POFUT3: variants seen among roughly 807,000 people sequenced by gnomAD.
POFUT3 encodes GDP-fucose protein O-fucosyltransferase 3.
At chr8:33,331,868 G>T in the POFUT3 span, among the ~76,000 whole-genome samples, 1 of 151,742 alleles carries the variant, frequency 6.6e-6, no homozygotes, top group Non-Finnish European at 1.5e-5. Context: ...TAGTAGAGAC[G>T]GGGTTTCACC....
the POFUT3 span, among the ~76,000 whole-genome samples, chr8:33,394,826 C>T: frequency 4.6e-5 from 7 of 152,250 alleles, 1 homozygote; most frequent in South Asian, 6.2e-4. Flanking sequence ...ACCTGCCTTT[C>T]GGATTTAAAA....
the POFUT3 span, among the ~76,000 whole-genome samples, chr8:33,448,803 G>A: frequency 1.3e-5 from 2 of 151,948 alleles, no homozygotes; most frequent in Non-Finnish European, 2.9e-5. Flanking sequence ...GCATGGTGGT[G>A]CACTCCTATA....
At chr8:33,389,776 G>A in the POFUT3 span, 1 of 1,613,668 alleles carries the variant, frequency 6.2e-7, no homozygotes, top group South Asian at 1.1e-5. Context: ...GCAGAGGTAA[G>A]CTATCTATGT....
At chr8:33,322,836 C>T in the POFUT3 span, among the ~76,000 whole-genome samples, 2 of 152,152 alleles carry the variant, frequency 1.3e-5, no homozygotes, top group South Asian at 2.1e-4. Flanking sequence ...CTGGCTGTCT[C>T]GCAGACATGC....
chr8:33,331,421 T>C, the POFUT3 span, among the ~76,000 whole-genome samples: 6 of 151,910 alleles, frequency 3.9e-5, no homozygotes, highest in Non-Finnish European at 5.9e-5. Flanking sequence ...AGAGAAAGAA[T>C]CATGGAAGGT....
chr8:33,434,205 G>A, the POFUT3 span, among the ~76,000 whole-genome samples: 3 of 152,126 alleles, frequency 2.0e-5, no homozygotes, highest in South Asian at 2.1e-4. Context: ...AGGTTGCAAT[G>A]AGCCAAGATC....
the POFUT3 span, among the ~76,000 whole-genome samples, chr8:33,358,886 A>C: frequency 6.6e-6 from 1 of 152,142 alleles, no homozygotes; most frequent in Admixed American, 6.6e-5. Flanking sequence ...CTCATTTTGC[A>C]ATATGAGGTT....
the POFUT3 span, among the ~76,000 whole-genome samples, chr8:33,438,409 C>T: frequency 6.6e-6 from 1 of 152,230 alleles, no homozygotes; most frequent in East Asian, 1.9e-4. Context: ...GAGACCCTGT[C>T]TCTACAAAAA....
chr8:33,407,405 AATT>A, the POFUT3 span, among the ~76,000 whole-genome samples: 1 of 152,196 alleles, frequency 6.6e-6, no homozygotes, highest in African/African-American at 2.4e-5. Context: ...AAATCATAAT[AATT>A]ATTAATTTGT....
the POFUT3 span, among the ~76,000 whole-genome samples, chr8:33,318,070 A>G: frequency 0.43 from 65,431 of 151,580 alleles, 15,897 homozygotes; most frequent in East Asian, 0.8. Context: ...CAGACAGGTG[A>G]GAGAGTGCAG....
chr8:33,395,287 A>G, the POFUT3 span, among the ~76,000 whole-genome samples: 5 of 152,150 alleles, frequency 3.3e-5, no homozygotes, highest in Non-Finnish European at 5.9e-5. Context: ...CTGTGCCCAT[A>G]AAAACCCCAA....
At chr8:33,442,533 C>T in the POFUT3 span, among the ~76,000 whole-genome samples, 2 of 152,094 alleles carry the variant, frequency 1.3e-5, no homozygotes, top group African/African-American at 2.4e-5. Context: ...ATCCGCCCAC[C>T]TCAGCCTCCC....
the POFUT3 span, among the ~76,000 whole-genome samples, chr8:33,378,674 G>T: frequency 6.6e-6 from 1 of 152,136 alleles, no homozygotes; most frequent in Non-Finnish European, 1.5e-5. Context: ...CTCATCTGTG[G>T]CATAGCAATG....
the POFUT3 span, among the ~76,000 whole-genome samples, chr8:33,379,322 G>T: frequency 6.6e-6 from 1 of 151,626 alleles, no homozygotes. Flanking sequence ...ACAGAAAAGA[G>T]GCATGTCCAT....
chr8:33,375,081 G>A, the POFUT3 span, among the ~76,000 whole-genome samples: 1 of 150,922 alleles, frequency 6.6e-6, no homozygotes, highest in Non-Finnish European at 1.5e-5. Context: ...TAGTAGAGAC[G>A]GGGTTTCACC....
chr8:33,402,164 C>T, the POFUT3 span, among the ~76,000 whole-genome samples: 1 of 152,232 alleles, frequency 6.6e-6, no homozygotes, highest in South Asian at 2.1e-4. Context: ...CATGTGTCTG[C>T]CCCAGACCCT....
the POFUT3 span, among the ~76,000 whole-genome samples, chr8:33,353,306 A>T: frequency 2.6e-5 from 4 of 152,302 alleles, no homozygotes; most frequent in East Asian, 7.7e-4. Flanking sequence ...TGCAATGAAG[A>T]CTGTGCCTAC....
At chr8:33,469,622 A>C in the POFUT3 span, among the ~76,000 whole-genome samples, 1 of 152,192 alleles carries the variant, frequency 6.6e-6, no homozygotes, top group Non-Finnish European at 1.5e-5. Flanking sequence ...TCAATCCTTA[A>C]ATTCCAGACA....
chr8:33,424,341 C>A, the POFUT3 span, among the ~76,000 whole-genome samples: 6 of 152,122 alleles, frequency 3.9e-5, no homozygotes, highest in African/African-American at 7.2e-5. Flanking sequence ...ATGTTAGTTT[C>A]CATCCCTCCC....
Sources: gnomAD v4.1 joint callset for allele counts (sites outside exome capture counted in the v4.1 genomes callset) on GRCh38, gnomAD v4.1.1 for gene constraint, MANE v1.5 for transcripts, NCBI Gene and HGNC (gene_info 2026-07-23, HGNC 2026-07-21) for gene names.